TTC6: variants seen among roughly 807,000 people sequenced by gnomAD.
TTC6 encodes the protein tetratricopeptide repeat domain 6.
In TTC6, 172 loss-of-function variants were observed where a neutral mutation model predicts 210.4. The observed-to-expected ratio is 0.82, with a 90% CI of 0.72 to 0.93. The LOEUF is 0.93. Among genes scored for constraint, TTC6 ranks in the 40% least tolerant of loss-of-function variants. The probability of loss-of-function intolerance (pLI) is 0.00; values close to 1 mark genes in which losing one functional copy is unlikely to be tolerated. For missense variants in TTC6, 2,414 were observed against 2,318.1 expected, an observed-to-expected ratio of 1.04 and a Z score of -0.85; for synonymous variants, 804 against 819.6, an observed-to-expected ratio of 0.98 and a Z score of 0.32.
intron 29 of TTC6, among the ~76,000 whole-genome samples, chr14:37,838,863 C>T (rs1030222396): frequency 6.6e-6 from 1 of 152,212 alleles, no homozygotes; most frequent in Middle Eastern, 3.4e-3. Context: ...TCCATGTATT[C>T]TCATTGTTCA....
intron 1 of TTC6, among the ~76,000 whole-genome samples, chr14:37,602,105 T>G (rs910063124): frequency 1.3e-5 from 2 of 152,204 alleles, no homozygotes; most frequent in African/African-American, 2.4e-5. Flanking sequence ...TTGGGGCCCC[T>G]GCTCTTGGGG....
At chr14:37,713,928 A>G (rs1247482179) in intron 5 of TTC6, among the ~76,000 whole-genome samples, 2 of 152,176 alleles carry the variant, frequency 1.3e-5, no homozygotes, top group Non-Finnish European at 2.9e-5. Flanking sequence ...CTTCAATGTG[A>G]AATTGATATA....
chr14:37,792,737 G>T (rs1381961157), intron 17 of TTC6, among the ~76,000 whole-genome samples: 2 of 150,232 alleles, frequency 1.3e-5, no homozygotes, highest in Non-Finnish European at 3.0e-5. Flanking sequence ...TATTCTCTAG[G>T]GATAGCTGCT....
intron 5 of TTC6, among the ~76,000 whole-genome samples, chr14:37,713,526 C>T (rs995239957): frequency 6.8e-6 from 1 of 146,794 alleles, no homozygotes; most frequent in African/African-American, 2.8e-5. Context: ...GCATGAACCA[C>T]CATGCCTGGC....
chr14:37,652,431 G>A (rs2095714764), intron 1 of TTC6, among the ~76,000 whole-genome samples: 1 of 151,994 alleles, frequency 6.6e-6, no homozygotes, highest in Non-Finnish European at 1.5e-5. Flanking sequence ...TGATCTAGCA[G>A]AGAGAGAGAG....
chr14:37,707,443 G>A (rs2095837591), intron 5 of TTC6, among the ~76,000 whole-genome samples: 2 of 151,902 alleles, frequency 1.3e-5, no homozygotes. Context: ...GTTTTGCTTA[G>A]ATTTATCTCT....
chr14:37,737,757 A>G (rs752426755), intron 9 of TTC6, 23 bp downstream of exon 11: 1 of 1,340,042 alleles, frequency 7.5e-7, no homozygotes, highest in South Asian at 1.4e-5. Context: ...TACAGTTTTT[A>G]CTCTCTAAAA....
At chr14:37,622,497 A>C in exon 1 of TTC6, 1 of 1,535,236 alleles carries the variant, frequency 6.5e-7, no homozygotes, top group Non-Finnish European at 8.7e-7. Flanking sequence ...GGGGTTCGGC[A>C]CGGCCAGACC....
chr14:37,675,336 G>A (rs1006832777), intron 1 of TTC6, among the ~76,000 whole-genome samples: 4 of 152,094 alleles, frequency 2.6e-5, no homozygotes, highest in African/African-American at 9.7e-5. Flanking sequence ...GTGACCTGTG[G>A]TGTCTAGCTT....
intron 8 of TTC6, 29 bp from the exon 11 acceptor site, chr14:37,737,631 T>C: frequency 7.8e-7 from 1 of 1,273,946 alleles, no homozygotes; most frequent in Non-Finnish European, 1.1e-6. Context: ...CTGTGACTAA[T>C]GTATATTTTT....
At chr14:37,733,715 T>C (rs1000251415) in intron 7 of TTC6, among the ~76,000 whole-genome samples, 1 of 152,182 alleles carries the variant, frequency 6.6e-6, no homozygotes, top group African/African-American at 2.4e-5. Flanking sequence ...TTATCACATA[T>C]TGAAATCCTT....
At position 37,752,329 on chromosome 14, in the gene TTC6, T is replaced by A. The variant is rs369453757; in HGVS notation, c.3130-770T>A. Among the ~76,000 whole-genome samples the A allele has an allele frequency of 1.7e-4, 26 of 152,138 alleles. 1 individual carries two copies. The highest frequency in any genetic ancestry group is 1.6e-3 in the East Asian group (8 of 5,156). On this transcript the variant is annotated intron_variant, in intron 13 of 30. Coordinates refer to ENST00000553443, the Ensembl canonical transcript of TTC6. ...CTATTTATGAATCCATGACATCCACTTGACATTTTTCTGCTTGAGGAGAAT... is the reference window on the plus strand; with the variant it reads ...CTATTTATGAATCCATGACATCCACATGACATTTTTCTGCTTGAGGAGAAT...
intron 14 of TTC6, among the ~76,000 whole-genome samples, chr14:37,771,326 A>G (rs959470332): frequency 2.0e-5 from 3 of 151,618 alleles, no homozygotes; most frequent in Admixed American, 2.0e-4. Context: ...CGTTCTCTGT[A>G]TTTCCTGAAT....
intron 7 of TTC6, among the ~76,000 whole-genome samples, chr14:37,732,629 A>G (rs8022823): frequency 9.3e-5 from 5 of 53,632 alleles, no homozygotes; most frequent in Non-Finnish European, 2.4e-4. Flanking sequence ...TTATTTATTT[A>G]TTTTTTTGAG....
intron 16 of TTC6, 65 bp downstream of exon 18, chr14:37,790,902 G>A: frequency 2.1e-6 from 3 of 1,396,702 alleles, no homozygotes; most frequent in Non-Finnish European, 1.9e-6. Context: ...TGAAATGGGA[G>A]AAAAAGTTTC....
chr14:37,828,756 G>C (rs2096178033), intron 29 of TTC6, among the ~76,000 whole-genome samples: 1 of 150,432 alleles, frequency 6.6e-6, no homozygotes, highest in African/African-American at 2.5e-5. Flanking sequence ...TCCTAAGAAA[G>C]GGTATCTACT....
At chr14:37,626,144 C>T (rs905763120) in intron 1 of TTC6, among the ~76,000 whole-genome samples, 3 of 152,202 alleles carry the variant, frequency 2.0e-5, no homozygotes, top group African/African-American at 4.8e-5. Context: ...AATTGAGAAC[C>T]ACTGACCTAA....
At chr14:37,817,702 T>C in intron 26 of TTC6, 51 bp downstream of exon 28, 1 of 1,525,426 alleles carries the variant, frequency 6.6e-7, no homozygotes, top group Non-Finnish European at 9.1e-7. Context: ...CCATCAGACT[T>C]ATCTAATTAT....
rs1050789705 is a variant in TTC6 at position 37,667,189 on chromosome 14, G to T, written c.940-12962G>T. Reference sequence around the variant, plus strand: ...CCTACCGAGTCTACTGGGTAAGTCAGCCCTGCTTGGGACAGGGAGATTAGA... The same window carrying T: ...CCTACCGAGTCTACTGGGTAAGTCATCCCTGCTTGGGACAGGGAGATTAGA... On this transcript the variant is annotated intron_variant, in intron 1 of 30. Coordinates refer to ENST00000553443, the Ensembl canonical transcript of TTC6. Among the ~76,000 whole-genome samples the T allele has an allele frequency of 4.0e-5, 6 of 150,202 alleles. 1 individual carries two copies. Among genetic ancestry groups the T allele is most frequent in the Admixed American group, 4.0e-4 (6 of 15,056 alleles).
Sources: allele counts gnomAD v4.1 joint callset (sites outside exome capture counted in the v4.1 genomes callset), GRCh38; gene constraint gnomAD v4.1.1; transcripts MANE v1.5; gene names NCBI Gene and HGNC (gene_info 2026-07-23, HGNC 2026-07-21).